PCMTD1: variants seen among roughly 807,000 people sequenced by gnomAD.
The protein encoded by PCMTD1 is protein-L-isoaspartate O-methyltransferase domain-containing protein 1.
In PCMTD1, 12 loss-of-function variants were observed where a neutral mutation model predicts 37.6. The ratio of observed to expected loss-of-function variants is 0.32; its 90% confidence interval spans 0.20 to 0.52. The LOEUF (loss-of-function observed/expected upper bound fraction) is 0.52. Ranked by LOEUF, PCMTD1 falls within the 20% of genes least tolerant of loss-of-function variation. PCMTD1 has a pLI of 0.97. For synonymous variants in PCMTD1, 117 were observed against 135.8 expected, an observed-to-expected ratio of 0.86 and a Z score of 0.96; for missense variants, 235 against 421.3, an observed-to-expected ratio of 0.56 and a Z score of 3.87.
At chr8:51,867,481 GT>G (rs2038572837) in intron 1 of PCMTD1, among the ~76,000 whole-genome samples, 1 of 48,738 alleles carries the variant, frequency 2.1e-5, no homozygotes, top group Non-Finnish European at 4.4e-5. Flanking sequence ...AAAATGGTGT[GT>G]GTGTGTGTGT....
chr8:51,877,869 C>T (rs965026285), intron 1 of PCMTD1, among the ~76,000 whole-genome samples: 4 of 152,098 alleles, frequency 2.6e-5, no homozygotes, highest in African/African-American at 9.7e-5. Flanking sequence ...AACTATACTG[C>T]GCTTCTCTAA....
intron 1 of PCMTD1, among the ~76,000 whole-genome samples, chr8:51,888,780 T>C (rs539010758): frequency 6.6e-6 from 1 of 152,330 alleles, no homozygotes; most frequent in African/African-American, 2.4e-5. Context: ...TGAAAGTCTT[T>C]ATATAGTGTA....
intron 1 of PCMTD1, among the ~76,000 whole-genome samples, chr8:51,878,112 T>C (rs557756125): frequency 2.6e-5 from 4 of 152,330 alleles, no homozygotes; most frequent in African/African-American, 7.2e-5. Context: ...ATGTAAGCCA[T>C]TGTGACTCTA....
chr8:51,859,815 T>C (rs907373215), intron 2 of PCMTD1, among the ~76,000 whole-genome samples: 6 of 152,230 alleles, frequency 3.9e-5, no homozygotes, highest in Non-Finnish European at 7.3e-5. Context: ...CCCATCACTT[T>C]AGAATGAATT....
chr8:51,896,971 TTA>T (rs1554528350), intron 1 of PCMTD1, among the ~76,000 whole-genome samples: 2 of 152,086 alleles, frequency 1.3e-5, no homozygotes, highest in Non-Finnish European at 2.9e-5. Flanking sequence ...AGAATGTCAT[TTA>T]TGTTGTTATG....
rs2038302981 is a variant in PCMTD1, at chr8:51,851,246, GC to G, written c.308-5484del. Among the ~76,000 whole-genome samples, 3 of 152,230 alleles carry G rather than the reference GC, an allele frequency of 2.0e-5. No individual in the cohort carries two copies. The South Asian group carries it at 6.2e-4, about 32-fold the overall frequency. On this transcript the variant is annotated intron_variant, in intron 2 of 5. Coordinates refer to ENST00000522514, the MANE Select transcript of PCMTD1 (RefSeq NM_052937.4). ...CATCATGAAACAAGTCCTGGAATTT[GC>G]CAGAAACAAGTTCTAGTCCCTCAGG...
At chr8:51,890,656 G>A (rs2038923859) in intron 1 of PCMTD1, among the ~76,000 whole-genome samples, 1 of 152,220 alleles carries the variant, frequency 6.6e-6, no homozygotes, top group Admixed American at 6.5e-5. Context: ...TTACGCAGTA[G>A]CAGTGACAGA....
intron 1 of PCMTD1, among the ~76,000 whole-genome samples, chr8:51,898,504 A>G (rs1198824489): frequency 2.0e-5 from 3 of 151,794 alleles, no homozygotes; most frequent in African/African-American, 7.3e-5. Context: ...GCGGATCCAA[A>G]ACGGCCCTAA....
At chr8:51,894,664 C>T (rs2038976115) in intron 1 of PCMTD1, among the ~76,000 whole-genome samples, 1 of 151,916 alleles carries the variant, frequency 6.6e-6, no homozygotes, top group South Asian at 2.1e-4. Flanking sequence ...ACATTTAGGA[C>T]AATTAATAAG....
At chr8:51,857,093 T>C (rs141977650) in intron 2 of PCMTD1, among the ~76,000 whole-genome samples, 2 of 152,366 alleles carry the variant, frequency 1.3e-5, no homozygotes, top group African/African-American at 4.8e-5. Flanking sequence ...ATAAGGACCA[T>C]TTAACGTCCC....
intron 3 of PCMTD1, among the ~76,000 whole-genome samples, chr8:51,838,593 T>C (rs1563340476): frequency 6.6e-6 from 1 of 152,280 alleles, no homozygotes. Flanking sequence ...GTGGCTACCA[T>C]GTTATCGAAC....
At chr8:51,876,874 T>C (rs897074639) in intron 1 of PCMTD1, among the ~76,000 whole-genome samples, 1 of 152,320 alleles carries the variant, frequency 6.6e-6, no homozygotes, top group East Asian at 1.9e-4. Context: ...GAAGAAATAA[T>C]GGTGTTAGAA....
chr8:51,868,180 G>T (rs200860266), intron 1 of PCMTD1, among the ~76,000 whole-genome samples: 1 of 151,976 alleles, frequency 6.6e-6, no homozygotes, highest in Non-Finnish European at 1.5e-5. Flanking sequence ...GGTGTGGGGG[G>T]GTGTGGGAGA....
At chr8:51,859,623 A>C (rs2038442730) in intron 2 of PCMTD1, among the ~76,000 whole-genome samples, 1 of 152,054 alleles carries the variant, frequency 6.6e-6, no homozygotes, top group Non-Finnish European at 1.5e-5. Flanking sequence ...ACTATACCTT[A>C]AAAGTCATAA....
intron 1 of PCMTD1, among the ~76,000 whole-genome samples, chr8:51,872,220 A>G (rs2038649501): frequency 7.1e-6 from 1 of 141,268 alleles, no homozygotes; most frequent in Non-Finnish European, 1.5e-5. Flanking sequence ...TCTCCCTTTT[A>G]CTCAACACAA....
intron 3 of PCMTD1, among the ~76,000 whole-genome samples, chr8:51,836,273 T>C (rs1185653816): frequency 1.3e-5 from 2 of 152,238 alleles, no homozygotes; most frequent in Non-Finnish European, 2.9e-5. Context: ...AAAATGTGGC[T>C]AATTCAAGTT....
intron 1 of PCMTD1, among the ~76,000 whole-genome samples, chr8:51,871,262 T>C (rs779437606): frequency 3.3e-4 from 50 of 152,234 alleles, no homozygotes; most frequent in Admixed American, 6.5e-4. Context: ...TCAAGGACAG[T>C]ACATACAGAA....
chr8:51,839,611 A>T (rs1327987386), intron 3 of PCMTD1: 3 of 985,294 alleles, frequency 3.0e-6, no homozygotes, highest in Non-Finnish European at 3.6e-6. Flanking sequence ...CTTCCCTCTT[A>T]GACGGATAGT....
chr8:51,863,040 T>TTA (rs1554523886), intron 1 of PCMTD1, among the ~76,000 whole-genome samples: 1 of 151,702 alleles, frequency 6.6e-6, no homozygotes, highest in East Asian at 1.9e-4. Flanking sequence ...TTTTTTTTTT[T>TTA]AATAACATGG....
Sources: gnomAD v4.1 joint callset for allele counts (sites outside exome capture counted in the v4.1 genomes callset) on GRCh38, gnomAD v4.1.1 for gene constraint, MANE v1.5 for transcripts, NCBI Gene and HGNC (gene_info 2026-07-23, HGNC 2026-07-21) for gene names.